DESI2: variants seen among roughly 807,000 people sequenced by gnomAD.
DESI2 encodes deubiquitinase DESI2.
DESI2 carries 10 observed loss-of-function variants against 24.1 expected under a neutral mutation model. The observed-to-expected ratio is 0.41, with a 90% confidence interval of 0.26 to 0.70. The LOEUF (loss-of-function observed/expected upper bound fraction) is 0.70. DESI2 is among the 30% of genes least tolerant of loss of function. DESI2 has a pLI of 0.29. For missense variants in DESI2, 122 were observed against 234.9 expected, an observed-to-expected ratio of 0.52 and a Z score of 3.14; for synonymous variants, 71 against 87.7, an observed-to-expected ratio of 0.81 and a Z score of 1.06.
Position 244,683,538 on chromosome 1 carries a change from C to T in DESI2, c.43-3059C>T, listed in dbSNP as rs577775603. Among the ~76,000 whole-genome samples, 11 of 152,228 alleles carry T rather than the reference C, an allele frequency of 7.2e-5. No individual in the cohort carries two copies. In the South Asian group the frequency reaches 1.5e-3, roughly 20 times the overall value. ...ATGTTAGCCAGGGTGGTCTTGATCT[C>T]CTGACCTTGTGATCCGCCCACCTCA... On this transcript the variant is annotated intron_variant, in intron 1 of 4. Transcript: ENST00000302550.
chr1:244,699,109 G>A (rs2148815937), intron 4 of DESI2, among the ~76,000 whole-genome samples: 1 of 152,212 alleles, frequency 6.6e-6, no homozygotes, highest in Non-Finnish European at 1.5e-5. Context: ...TAGTAAGGCA[G>A]TTTGATTACT....
At chr1:244,694,876 T>C (rs1200090153) in intron 4 of DESI2, among the ~76,000 whole-genome samples, 5 of 152,240 alleles carry the variant, frequency 3.3e-5, no homozygotes, top group Non-Finnish European at 5.9e-5. Flanking sequence ...CCAAAATATT[T>C]ATTGTTTGAC....
chr1:244,696,472 T>G (rs962818430), intron 4 of DESI2, among the ~76,000 whole-genome samples: 31 of 152,008 alleles, frequency 2.0e-4, no homozygotes, highest in African/African-American at 7.3e-4. Context: ...ATACAAAAAT[T>G]AGCTAGGCAC....
chr1:244,663,398 G>C (rs112540287), intron 1 of DESI2, among the ~76,000 whole-genome samples: 9 of 151,912 alleles, frequency 5.9e-5, no homozygotes, highest in East Asian at 2.0e-4. Context: ...GGATGGTCTC[G>C]ATCTCCTGAC....
At position 244,703,945 on chromosome 1, in the gene DESI2, C is replaced by A. The variant is rs143149296; in HGVS notation, c.352-1611C>A. Among the ~76,000 whole-genome samples, 493 of 152,232 alleles carry A rather than the reference C, an allele frequency of 3.2e-3. 1 individual carries two copies. Among genetic ancestry groups the A allele is most frequent in the Non-Finnish European group, 4.7e-3 (320 of 68,020 alleles). On this transcript the variant is annotated intron_variant, in intron 4 of 4. Coordinates refer to ENST00000302550, the MANE Select transcript of DESI2 (RefSeq NM_016076.5). ...AGTGCTGGGAATTACAGGTGTGAGC[C>A]ACCGCGCTGGGCCGAAATATTTTTA...
chr1:244,680,368 T>C (rs1478747972), intron 1 of DESI2, among the ~76,000 whole-genome samples: 3 of 151,604 alleles, frequency 2.0e-5, no homozygotes, highest in African/African-American at 4.9e-5. Flanking sequence ...GAGCCCTGCC[T>C]GCAGTGAACC....
At chr1:244,658,781 G>A (rs1675736740) in intron 1 of DESI2, among the ~76,000 whole-genome samples, 1 of 152,110 alleles carries the variant, frequency 6.6e-6, no homozygotes, top group Non-Finnish European at 1.5e-5. Flanking sequence ...AGCTTTGATT[G>A]TTGGACTAGG....
chr1:244,657,929 T>A (rs1675703936), intron 1 of DESI2, among the ~76,000 whole-genome samples: 1 of 152,092 alleles, frequency 6.6e-6, no homozygotes, highest in Admixed American at 6.6e-5. Context: ...TGAAGCTGAG[T>A]AAGTGGATAT....
intron 3 of DESI2, among the ~76,000 whole-genome samples, chr1:244,690,967 CTACTTGATAAAAGGATT>C (rs1677005126): frequency 6.6e-6 from 1 of 152,194 alleles, no homozygotes; most frequent in Admixed American, 6.5e-5. Context: ...TTTGGCAAGA[CTACTTGATAAAAGGATT>C]TTCTAAGTAT....
rs982840116 is a variant in DESI2, at chr1:244,663,886, C to T, written c.42+10531C>T. Among the ~76,000 whole-genome samples, 21 of 151,952 alleles carry T rather than the reference C, an allele frequency of 1.4e-4. No individual in the cohort carries two copies. In the East Asian group the frequency reaches 2.5e-3, roughly 18 times the overall value. On this transcript the variant is annotated intron_variant, in intron 1 of 4. Transcript: ENST00000302550. ...ACAAAAAATTAGCCAGGCGTGGTGG[C>T]GGGCGCCTGTAGTCCCAGCTGCTCG... is the stretch of plus-strand genomic sequence containing the variant.
At chr1:244,702,405 T>G (rs1361489409) in intron 4 of DESI2, among the ~76,000 whole-genome samples, 2 of 152,094 alleles carry the variant, frequency 1.3e-5, no homozygotes, top group Non-Finnish European at 2.9e-5. Flanking sequence ...TCCCATCTAC[T>G]CGGGAGGCTG....
intron 4 of DESI2, among the ~76,000 whole-genome samples, chr1:244,700,621 A>AC (rs1181375957): frequency 9.2e-5 from 14 of 151,754 alleles, no homozygotes; most frequent in African/African-American, 3.4e-4. Flanking sequence ...CTAGCTCCTC[A>AC]CCCCCACCAG....
intron 4 of DESI2, among the ~76,000 whole-genome samples, chr1:244,699,338 C>CT (rs1383109259): frequency 1.3e-5 from 2 of 151,942 alleles, no homozygotes; most frequent in Non-Finnish European, 2.9e-5. Flanking sequence ...AATCCCAACG[C>CT]TTTAGGAGGC....
At chr1:244,701,207 TCCCCTCCACC>T (rs1459627966) in intron 4 of DESI2, among the ~76,000 whole-genome samples, 45 of 39,592 alleles carry the variant, frequency 1.1e-3, no homozygotes, top group South Asian at 7.6e-3. Flanking sequence ...TGGACCACCT[TCCCCTCCACC>T]CCCCCCCCCC....
rs188732098 is a variant in DESI2 at position 244,665,388 on chromosome 1, C to A, written c.42+12033C>A. On this transcript the variant is annotated intron_variant, in intron 1 of 4. Coordinates refer to ENST00000302550, the MANE Select transcript of DESI2 (RefSeq NM_016076.5). ...TCCTCATCTCATCCCCTCCATAACC[C>A]AGAAATATGCTGATTCTCTTTTTGT... Among the ~76,000 whole-genome samples, 74 of 152,264 alleles carry A rather than the reference C, an allele frequency of 4.9e-4. 2 individuals are homozygous for A. In the South Asian group the frequency reaches 9.7e-3, roughly 20 times the overall value.
chr1:244,660,332 G>GT (rs1573177539), intron 1 of DESI2, among the ~76,000 whole-genome samples: 2 of 151,930 alleles, frequency 1.3e-5, no homozygotes, highest in South Asian at 4.2e-4. Flanking sequence ...TGCCCAGCTA[G>GT]TTTTTTTGTA....
rs565441575 is a variant in DESI2 at position 244,706,276 on chromosome 1, TTTGTTAAAGTTG to T, written c.*491_*502del. On this transcript the variant is annotated 3_prime_UTR_variant, in exon 5 of 5. Coordinates refer to ENST00000302550, the MANE Select transcript of DESI2 (RefSeq NM_016076.5). ...AATGGTCTTTTAGATTTGTGTTTGT[TTTGTTAAAGTTG>T]TTGGCACCAGGATGCAGAGAATCAG... is the stretch of plus-strand genomic sequence containing the variant. 1,621 of 165,834 alleles carry T rather than the reference TTTGTTAAAGTTG, an allele frequency of 9.8e-3. 14 individuals are homozygous for T. Among genetic ancestry groups the T allele is most frequent in the Non-Finnish European group, 0.017 (1,308 of 76,068 alleles). 10.3% of individuals were successfully genotyped at this position (165,834 alleles called of 1,614,324 possible). A position where few individuals can be genotyped will look rare whatever the true frequency, so the allele number is the denominator to read the frequency against.
rs370808118 is a variant in DESI2 at position 244,694,394 on chromosome 1, C to T, written c.351+2374C>T. Reference sequence around the variant, plus strand: ...TATTCATAAAATTTTTTTTTTTAAACCGGAACATCTATTGCATTACTCATC... The same window carrying T: ...TATTCATAAAATTTTTTTTTTTAAATCGGAACATCTATTGCATTACTCATC... On this transcript the variant is annotated intron_variant, in intron 4 of 4. Transcript: ENST00000302550. The T allele has an allele frequency of 7.5e-5, 49 of 649,924 alleles. 1 individual carries two copies. Among genetic ancestry groups the T allele is most frequent in the East Asian group, 5.3e-4 (16 of 29,934 alleles). The allele number at this position is 649,924 out of a possible 1,614,324, so 40.3% of individuals were successfully genotyped here.
In DESI2 at chr1:244,706,810, G is replaced by A. The variant is rs1035779744; in HGVS notation, c.*1021G>A. 6.6e-6 allele frequency: 1 copy of A among 152,616 alleles called. No homozygotes were observed. The highest frequency in any genetic ancestry group is 2.1e-4 in the South Asian group (1 of 4,832). 9.5% of individuals were successfully genotyped at this position (152,616 alleles called of 1,614,324 possible). ...CTTTTTATGTACCATGTCAGAAAGA[G>A]TATGTTGGCGTTTGTCATGGGACTC... On this transcript the variant is annotated 3_prime_UTR_variant, in exon 5 of 5. Transcript: ENST00000302550.
Sources: gnomAD v4.1 joint callset for allele counts (sites outside exome capture counted in the v4.1 genomes callset) on GRCh38, gnomAD v4.1.1 for gene constraint, MANE v1.5 for transcripts, NCBI Gene and HGNC (gene_info 2026-07-23, HGNC 2026-07-21) for gene names.